Variants in CCDC152 observed in about 807,000 individuals in gnomAD.
CCDC152 encodes the protein coiled-coil domain containing 152, also known as coiled-coil domain-containing protein 152.
CCDC152 carries 37 observed loss-of-function variants against 38.1 expected under a neutral mutation model. That is an observed-to-expected ratio of 0.97 (90% confidence interval 0.75 to 1.28). The LOEUF (loss-of-function observed/expected upper bound fraction) is 1.28, where lower values mean the gene tolerates loss of function less well. Ranked by LOEUF, CCDC152 falls within the 50% of genes most tolerant of loss-of-function variation. The probability of loss-of-function intolerance (pLI) is 0.00; values close to 1 mark genes in which losing one functional copy is unlikely to be tolerated. For synonymous variants in CCDC152, 83 were observed against 87.1 expected (o/e 0.95, Z 0.26); for missense variants, 259 against 292.1 (o/e 0.89, Z 0.83).
chr5:42,796,831 G>C lies in CCDC152; in HGVS notation c.433G>C (p.Glu145Gln), dbSNP rs952424559. 1.4e-6 allele frequency: 2 copies of C among 1,427,982 alleles called. No individual in the cohort carries two copies. Among genetic ancestry groups the C allele is most frequent in the Non-Finnish European group, 1.9e-6 (2 of 1,077,750 alleles). The allele number at this position is 1,427,982 out of a possible 1,614,324, so 88.5% of individuals were successfully genotyped here. A position where few individuals can be genotyped will look rare whatever the true frequency, so the allele number is the denominator to read the frequency against. The change falls in exon 7 of 9, where the codon GAA becomes CAA. Residue 145 changes from glutamate to glutamine, a missense_variant and splice_region_variant. Coordinates refer to ENST00000361970, the MANE Select transcript of CCDC152 (RefSeq NM_001134848.2). ...TTTATTTATTTCATTTTATTCAGTTGAATTAAATGAAGAAAAGCACAAAGA... is the reference window on the plus strand; with the variant it reads ...TTTATTTATTTCATTTTATTCAGTTCAATTAAATGAAGAAAAGCACAAAGA... Reference protein sequence around the residue: ...KLYQDMQRKVELNEEKHKELI... With the variant: ...KLYQDMQRKVQLNEEKHKELI...
At chr5:42,798,823 C>T (rs954917261) in intron 7 of CCDC152, among the ~76,000 whole-genome samples, 1 of 151,998 alleles carries the variant, frequency 6.6e-6, no homozygotes, top group African/African-American at 2.4e-5. Flanking sequence ...CCTATGAGAA[C>T]TTTTTTAACC....
At chr5:42,795,728 T>A (rs1027977647) in intron 6 of CCDC152, among the ~76,000 whole-genome samples, 1 of 152,126 alleles carries the variant, frequency 6.6e-6, no homozygotes, top group African/African-American at 2.4e-5. Flanking sequence ...GACCCAGCCA[T>A]CCCATTACTG....
intron 5 of CCDC152, among the ~76,000 whole-genome samples, chr5:42,781,617 CT>C (rs1362464667): frequency 1.3e-5 from 2 of 151,672 alleles, no homozygotes; most frequent in Admixed American, 6.6e-5. Flanking sequence ...ATAATTTTAC[CT>C]TAAAATTTGG....
In CCDC152 at chr5:42,791,966, C is replaced by A. The variant is rs1463205683; in HGVS notation, c.431-4863C>A. 1.4e-4 allele frequency among the ~76,000 whole-genome samples: 22 copies of A among 152,124 alleles called. 1 individual carries two copies. The highest frequency in any genetic ancestry group is 1.5e-5 in the Non-Finnish European group (1 of 68,034). On this transcript the variant is annotated intron_variant, in intron 6 of 8. Coordinates refer to ENST00000361970, the MANE Select transcript of CCDC152 (RefSeq NM_001134848.2). ...CAGCCAAGTTATGGTGCATCTTGACCCTAGTTATTGACCTAACAGCCAAAA... is the reference window on the plus strand; with the variant it reads ...CAGCCAAGTTATGGTGCATCTTGACACTAGTTATTGACCTAACAGCCAAAA...
intron 4 of CCDC152, among the ~76,000 whole-genome samples, chr5:42,773,243 C>CT (rs1349971523): frequency 6.6e-6 from 1 of 152,110 alleles, no homozygotes; most frequent in African/African-American, 2.4e-5. Flanking sequence ...TGCTACCTTC[C>CT]TTTAGTCTTA....
intron 1 of CCDC152, among the ~76,000 whole-genome samples, 179 bp from the exon 2 acceptor site, chr5:42,758,941 A>C (rs1177243516): frequency 2.0e-5 from 3 of 152,230 alleles, no homozygotes; most frequent in Non-Finnish European, 4.4e-5. Flanking sequence ...AGTGGAAAAG[A>C]CAATGCATTT....
chr5:42,772,195 C>G (rs1026605164), intron 4 of CCDC152, among the ~76,000 whole-genome samples: 8 of 151,992 alleles, frequency 5.3e-5, no homozygotes, highest in African/African-American at 1.9e-4. Context: ...TCAATAGATA[C>G]AGAAAAAACA....
At chr5:42,769,570 A>T (rs1423418202) in intron 3 of CCDC152, 27 bp from the exon 4 acceptor site, 1 of 1,448,000 alleles carries the variant, frequency 6.9e-7, no homozygotes, top group Admixed American at 3.0e-5. Context: ...AAGGGATTTT[A>T]AAATAAATTT....
At chr5:42,758,343 T>C (rs188127421) in intron 1 of CCDC152, among the ~76,000 whole-genome samples, 1 of 152,364 alleles carries the variant, frequency 6.6e-6, no homozygotes, top group East Asian at 1.9e-4. Flanking sequence ...CATTTTACTT[T>C]GGACTAGTTA....
intron 4 of CCDC152, among the ~76,000 whole-genome samples, chr5:42,774,767 T>A (rs779908460): frequency 3.3e-5 from 5 of 151,944 alleles, no homozygotes; most frequent in Non-Finnish European, 7.4e-5. Context: ...AGAAAAAAAA[T>A]AGGCAGTTTG....
rs766284627 is a variant in CCDC152 at position 42,783,106 on chromosome 5, G to A, written c.328-368G>A. On this transcript the variant is annotated intron_variant, in intron 5 of 8. Coordinates refer to ENST00000361970, the MANE Select transcript of CCDC152 (RefSeq NM_001134848.2). ...AGGATGGTCTCGATCTCCTGACCTC[G>A]TGATCTGCCTGCCTTAGCCTCCCAA... Among the ~76,000 whole-genome samples, 11 of 151,944 alleles carry A rather than the reference G, an allele frequency of 7.2e-5. 1 individual carries two copies. The highest frequency in any genetic ancestry group is 1.0e-4 in the Non-Finnish European group (7 of 68,004).
At chr5:42,784,197 A>G (rs1759887767) in intron 6 of CCDC152, among the ~76,000 whole-genome samples, 1 of 152,190 alleles carries the variant, frequency 6.6e-6, no homozygotes, top group Non-Finnish European at 1.5e-5. Flanking sequence ...AAACTAATTT[A>G]CATTCCCATT....
At chr5:42,794,828 A>T (rs752832783) in intron 6 of CCDC152, among the ~76,000 whole-genome samples, 1 of 152,248 alleles carries the variant, frequency 6.6e-6, no homozygotes, top group Non-Finnish European at 1.5e-5. Flanking sequence ...TGATAAAAGT[A>T]CTAATTTTAT....
chr5:42,783,610 G>T, intron 6 of CCDC152, 34 bp downstream of exon 6: 2 of 1,087,108 alleles, frequency 1.8e-6, no homozygotes, highest in South Asian at 2.6e-5. Context: ...TTTTGTTATT[G>T]ATTCAACAGA....
At chr5:42,764,787 G>C (rs2111940973) in intron 3 of CCDC152, among the ~76,000 whole-genome samples, 1 of 152,224 alleles carries the variant, frequency 6.6e-6, no homozygotes, top group East Asian at 1.9e-4. Context: ...CATAATAAAA[G>C]CAATATATGA....
At chr5:42,763,879 G>A (rs1759589308) in intron 3 of CCDC152, among the ~76,000 whole-genome samples, 1 of 152,142 alleles carries the variant, frequency 6.6e-6, no homozygotes. Context: ...TTTTTATAAT[G>A]GAGAAGGACT....
At chr5:42,787,117 T>C (rs1561278178) in intron 6 of CCDC152, among the ~76,000 whole-genome samples, 2 of 152,094 alleles carry the variant, frequency 1.3e-5, no homozygotes, top group African/African-American at 2.4e-5. Flanking sequence ...AAAATGTATA[T>C]TCTGCAGTTG....
intron 4 of CCDC152, among the ~76,000 whole-genome samples, chr5:42,779,181 C>T (rs148937975): frequency 1.5e-3 from 224 of 152,216 alleles, no homozygotes; most frequent in African/African-American, 5.0e-3. Flanking sequence ...TTACAGGTTC[C>T]TGTAGTATTT....
chr5:42,781,928 TG>T (rs1378980749), intron 5 of CCDC152, among the ~76,000 whole-genome samples: 1 of 152,200 alleles, frequency 6.6e-6, no homozygotes, highest in Non-Finnish European at 1.5e-5. Flanking sequence ...AATTTCTTCA[TG>T]TAGGACCATA....
Sources: allele counts gnomAD v4.1 joint callset (sites outside exome capture counted in the v4.1 genomes callset), GRCh38; gene constraint gnomAD v4.1.1; transcripts MANE v1.5; gene names NCBI Gene and HGNC (gene_info 2026-07-23, HGNC 2026-07-21).